The following PSG11 variants were observed in gnomAD, a reference collection of about 807,000 sequenced individuals.
PSG11 encodes pregnancy specific beta-1-glycoprotein 11, also known as pregnancy-specific beta-1-glycoprotein 11.
Under a neutral mutation model 36.0 loss-of-function variants are expected in PSG11, and 42 were observed. That is an observed-to-expected ratio of 1.17 (90% confidence interval 0.91 to 1.51). The LOEUF (loss-of-function observed/expected upper bound fraction) is 1.51, where lower values mean the gene tolerates loss of function less well. Among genes scored for constraint, PSG11 ranks in the 40% most tolerant of loss-of-function variants. The pLI, the probability that PSG11 is intolerant of heterozygous loss-of-function variation, is 0.00. For missense variants in PSG11, 558 were observed against 403.5 expected (o/e 1.38, Z -3.28); for synonymous variants, 206 against 153.5 (o/e 1.34, Z -2.53).
rs45459401 is a variant in PSG11 at position 43,015,128 on chromosome 19, T to C, written c.952A>G (p.Ile318Val). Residue 318 changes from isoleucine (I) to valine (V), a missense_variant, in exon 4 of 6, where the codon ATC (isoleucine) becomes GTC (valine). Transcript: ENST00000320078. ...GGGATCCACTTACCAATGACTCTGA[T>C]TGTCAAGGATGTGGAGCTTTCCTCG... ...TGEESSTSLT[I>V]RVIAPPGLGT... 2 of 1,611,988 alleles carry C rather than the reference T, an allele frequency of 1.2e-6. No individual in the cohort carries two copies. The highest frequency in any genetic ancestry group is 1.7e-6 in the Non-Finnish European group (2 of 1,178,972).
At chr19:43,016,574 G>T (rs867888534) in intron 3 of PSG11, among the ~76,000 whole-genome samples, 1 of 151,522 alleles carries the variant, frequency 6.6e-6, no homozygotes, top group African/African-American at 2.4e-5. Flanking sequence ...AAATAACACA[G>T]GGGAGACCAG....
At chr19:43,014,794 G>A (rs764283466) in intron 4 of PSG11, 53 of 1,231,694 alleles carry the variant, frequency 4.3e-5, no homozygotes, top group Non-Finnish European at 5.4e-5. Flanking sequence ...GGGATGAGTT[G>A]GTGACAGTGA....
intron 3 of PSG11, among the ~76,000 whole-genome samples, chr19:43,017,807 A>G (rs1362590660): frequency 6.6e-6 from 1 of 151,516 alleles, no homozygotes; most frequent in African/African-American, 2.4e-5. Flanking sequence ...GTAGTTTTCA[A>G]GGTATAATCA....
intron 4 of PSG11, 160 bp from the exon 5 acceptor site, chr19:43,010,201 GT>G (rs967154396): frequency 3.1e-5 from 45 of 1,449,938 alleles, no homozygotes; most frequent in African/African-American, 2.0e-4. Flanking sequence ...TATTCTTGCA[GT>G]TTTTTTTCCC....
chr19:43,022,350 G>A (rs529902268), intron 2 of PSG11, among the ~76,000 whole-genome samples: 4 of 151,284 alleles, frequency 2.6e-5, no homozygotes, highest in African/African-American at 9.7e-5. Flanking sequence ...GGCTCAGCCC[G>A]TCATGTGGTC....
At chr19:43,025,261 G>C in intron 1 of PSG11, 1 of 970,464 alleles carries the variant, frequency 1.0e-6, no homozygotes. Context: ...TGTCCTACTA[G>C]GTCAAGGTCA....
chr19:43,023,507 G>A (rs1474655801), intron 2 of PSG11, among the ~76,000 whole-genome samples: 1 of 150,992 alleles, frequency 6.6e-6, no homozygotes, highest in Admixed American at 6.6e-5. Flanking sequence ...CATTTTTTTT[G>A]CACTGACTTT....
intron 3 of PSG11, chr19:43,015,901 C>T: frequency 6.2e-7 from 1 of 1,610,046 alleles, no homozygotes. Flanking sequence ...TCGCTTTACC[C>T]TGGGACTGAC....
In PSG11 at chr19:43,015,646, G is replaced by A. The variant is rs1296239205; in HGVS notation, c.710-276C>T. 4.6e-6 allele frequency: 7 copies of A among 1,515,726 alleles called. No homozygotes were observed. The South Asian group carries it at 8.0e-5, about 17-fold the overall frequency. 93.9% of individuals were successfully genotyped at this position (1,515,726 alleles called of 1,614,324 possible). On this transcript the variant is annotated intron_variant, in intron 3 of 5. Transcript: ENST00000320078. Reference sequence around the variant, plus strand: ...AGTTTTCCCAGGGCAGGGAGTCATGGCCACCTCGGATGTCCAAAAGTAAAG... The same window carrying A: ...AGTTTTCCCAGGGCAGGGAGTCATGACCACCTCGGATGTCCAAAAGTAAAG...
chr19:43,009,770 A>C (rs184559471), intron 5 of PSG11, among the ~76,000 whole-genome samples, 188 bp downstream of exon 5: 1 of 151,436 alleles, frequency 6.6e-6, no homozygotes, highest in East Asian at 1.9e-4. Flanking sequence ...TTATGTCTAA[A>C]AGACAGTGGG....
chr19:43,014,661 C>T (rs969983593), intron 4 of PSG11: 1 of 1,135,026 alleles, frequency 8.8e-7, no homozygotes, highest in Non-Finnish European at 1.1e-6. Context: ...GTCTGAGCTG[C>T]TCCTCCCTCA....
rs866436098 is a variant in PSG11 at position 43,011,356 on chromosome 19, G to A, written c.965-1315C>T. Among the ~76,000 whole-genome samples the A allele has an allele frequency of 2.6e-5, 4 of 150,974 alleles. 1 individual carries two copies. Among genetic ancestry groups the A allele is most frequent in the Admixed American group, 6.6e-5 (1 of 15,074 alleles). The stretch of plus-strand genomic sequence containing the variant: ...CATTAAAAAAGAAGAAAGATCTCAG[G>A]TCAACAACCTACTTTAACACTTCAG... On this transcript the variant is annotated intron_variant, in intron 4 of 5. Coordinates refer to ENST00000320078, the MANE Select transcript of PSG11 (RefSeq NM_002785.3).
At position 43,015,084 on chromosome 19, in the gene PSG11, C is replaced by T. The variant is rs749327784; in HGVS notation, c.964+32G>A. On this transcript the variant is annotated intron_variant, in intron 4 of 5. Coordinates refer to ENST00000320078, the MANE Select transcript of PSG11 (RefSeq NM_002785.3). ...AAAGCTAGATAGACTCCACCTAAAACCCTATTGCCAAGGATGCTGGGATCC... is the reference window on the plus strand; with the variant it reads ...AAAGCTAGATAGACTCCACCTAAAATCCTATTGCCAAGGATGCTGGGATCC... The T allele has an allele frequency of 5.0e-6, 8 of 1,611,014 alleles. 1 individual carries two copies. In the South Asian group the frequency reaches 8.8e-5, roughly 18 times the overall value.
chr19:43,018,740 C>A (rs750596511), intron 3 of PSG11, 30 bp downstream of exon 3: 2 of 1,612,104 alleles, frequency 1.2e-6, no homozygotes, highest in African/African-American at 1.3e-5. Flanking sequence ...GGATGGCAGC[C>A]TGGCTCACAG....
chr19:43,025,226 G>T, intron 1 of PSG11, 170 bp from the exon 2 acceptor site: 2 of 1,199,764 alleles, frequency 1.7e-6, no homozygotes, highest in South Asian at 1.6e-5. Flanking sequence ...GTGTGTTTGT[G>T]TATGTGTATG....
At chr19:43,016,536 C>T (rs371499635) in intron 3 of PSG11, among the ~76,000 whole-genome samples, 7 of 151,380 alleles carry the variant, frequency 4.6e-5, no homozygotes, top group African/African-American at 1.2e-4. Context: ...TACTGAGCAG[C>T]CTGGCCTGGG....
At chr19:43,014,629 C>A (rs3204063) in intron 4 of PSG11, 5 of 1,070,334 alleles carry the variant, frequency 4.7e-6, no homozygotes, top group Non-Finnish European at 5.7e-6. Context: ...CCAGAGGAGC[C>A]CGGAGCAGAG....
At position 43,009,960 on chromosome 19, in the gene PSG11, G is replaced by A. The variant is rs747499498; in HGVS notation, c.*38C>T. On this transcript the variant is annotated splice_region_variant and 3_prime_UTR_variant, in exon 5 of 6. Coordinates refer to ENST00000320078, the MANE Select transcript of PSG11 (RefSeq NM_002785.3). ...GATAAGAGAAAAGGTCATCATACCT[G>A]CCAGTCTTCCTGAAATACAAAAATG... 36 of 1,579,320 alleles carry A rather than the reference G, an allele frequency of 2.3e-5. 3 individuals carry two copies. In the East Asian group the frequency reaches 7.8e-4, roughly 34 times the overall value.
Position 43,008,926 on chromosome 19 carries a change from G to T in PSG11, c.*41-884C>A, listed in dbSNP as rs532237648. 1.9e-4 allele frequency among the ~76,000 whole-genome samples: 29 copies of T among 151,030 alleles called. 1 individual carries two copies. Among genetic ancestry groups the T allele is most frequent in the Non-Finnish European group, 3.8e-4 (26 of 67,804 alleles). ...AAGACTTAAAAATTACCAATGCCTG[G>T]GTCCGTCTCCAGACCTTTAAACTGG... On this transcript the variant is annotated intron_variant, in intron 5 of 5. Coordinates refer to ENST00000320078, the MANE Select transcript of PSG11 (RefSeq NM_002785.3).
Sources: gnomAD v4.1 joint callset for allele counts (sites outside exome capture counted in the v4.1 genomes callset) on GRCh38, gnomAD v4.1.1 for gene constraint, MANE v1.5 for transcripts, NCBI Gene and HGNC (gene_info 2026-07-23, HGNC 2026-07-21) for gene names.